The following STK39 variants were observed in gnomAD, a reference collection of about 807,000 sequenced individuals.
STK39 encodes the protein serine/threonine kinase 39, also known as STE20/SPS1-related proline-alanine-rich protein kinase.
A neutral mutation model predicts 77.8 loss-of-function variants in STK39; 20 were observed. The ratio of observed to expected loss-of-function variants is 0.26; its 90% CI spans 0.18 to 0.37. The LOEUF is 0.37. Ranked by LOEUF, STK39 falls within the 10% of genes least tolerant of loss-of-function variation. The pLI is 1.00. For synonymous variants in STK39, 246 were observed against 234.1 expected (o/e 1.05, Z -0.47); for missense variants, 479 against 656.5 (o/e 0.73, Z 2.95).
chr2:168,208,688 A>G (rs1574556789), intron 1 of STK39, among the ~76,000 whole-genome samples: 2 of 152,220 alleles, frequency 1.3e-5, no homozygotes, highest in African/African-American at 4.8e-5. Context: ...AAAGCACTGC[A>G]CTACCCTGAA....
chr2:168,140,820 T>C (rs1687962124), intron 5 of STK39, 62 bp from the exon 6 acceptor site: 1 of 1,345,992 alleles, frequency 7.4e-7, no homozygotes, highest in Non-Finnish European at 1.0e-6. Context: ...TAAATTGTGA[T>C]TTTTTGAGCA....
chr2:168,237,548 T>A (rs1055423495), intron 1 of STK39, among the ~76,000 whole-genome samples: 1 of 152,176 alleles, frequency 6.6e-6, no homozygotes, highest in Non-Finnish European at 1.5e-5. Context: ...TGCTTCCAGT[T>A]TTTGCCCATT....
intron 1 of STK39, among the ~76,000 whole-genome samples, chr2:168,246,726 C>CCACGACGAGAGGGT (rs1690914809): frequency 6.6e-6 from 1 of 152,176 alleles, no homozygotes; most frequent in Non-Finnish European, 1.5e-5. Flanking sequence ...GCCCCGTTAC[C>CCACGACGAGAGGGT]CACGACGAGA....
At chr2:168,068,700 A>G (rs1685860716) in intron 12 of STK39, among the ~76,000 whole-genome samples, 1 of 152,186 alleles carries the variant, frequency 6.6e-6, no homozygotes, top group Non-Finnish European at 1.5e-5. Flanking sequence ...AAACATACCT[A>G]TCTTTTCTAA....
At chr2:167,993,557 A>G (rs1278095265) in intron 16 of STK39, among the ~76,000 whole-genome samples, 1 of 152,200 alleles carries the variant, frequency 6.6e-6, no homozygotes, top group Non-Finnish European at 1.5e-5. Flanking sequence ...GGATAAAATC[A>G]ACACTGTGGA....
At chr2:168,123,412 T>C (rs1162391958) in intron 10 of STK39, among the ~76,000 whole-genome samples, 3 of 152,228 alleles carry the variant, frequency 2.0e-5, no homozygotes, top group Non-Finnish European at 4.4e-5. Context: ...AGAGTATCCT[T>C]GTTTTTAGGA....
chr2:168,196,999 G>A (rs1218313033), intron 1 of STK39, among the ~76,000 whole-genome samples: 1 of 152,064 alleles, frequency 6.6e-6, no homozygotes, highest in African/African-American at 2.4e-5. Context: ...TACTTGAAAG[G>A]ATTTTGAAAA....
intron 2 of STK39, among the ~76,000 whole-genome samples, chr2:168,175,742 T>C (rs1469703087): frequency 6.6e-6 from 1 of 152,198 alleles, no homozygotes; most frequent in Non-Finnish European, 1.5e-5. Flanking sequence ...ATTTGGACTA[T>C]ACCTGGATAA....
At chr2:168,135,987 A>ATT (rs5836172) in intron 8 of STK39, among the ~76,000 whole-genome samples, 15,762 of 146,640 alleles carry the variant, frequency 0.11, 928 homozygotes, top group Non-Finnish European at 0.14. Flanking sequence ...CTTCTAAAGG[A>ATT]TTTTTTTTTT....
In STK39 at chr2:168,082,145, T is replaced by C. The variant is rs564416280; in HGVS notation, c.1090-6914A>G. Among the ~76,000 whole-genome samples the C allele has an allele frequency of 7.9e-5, 12 of 152,258 alleles. 1 individual carries two copies. Among genetic ancestry groups the C allele is most frequent in the African/African-American group, 2.4e-4 (10 of 41,548 alleles). On this transcript the variant is annotated intron_variant, in intron 10 of 17. Coordinates refer to ENST00000355999, the MANE Select transcript of STK39 (RefSeq NM_013233.3). ...ACAAGACCAATGCCTCTGGGAGCAC[T>C]CCTCATGTATCTATTCACTTATTCC...
intron 4 of STK39, among the ~76,000 whole-genome samples, chr2:168,162,286 CAAAAA>C (rs5836174): frequency 4.2e-4 from 36 of 85,700 alleles, no homozygotes; most frequent in African/African-American, 1.1e-3. Context: ...AACTTGGTCT[CAAAAA>C]AAAAAAAAAA....
chr2:168,207,805 A>G (rs1434041614), intron 1 of STK39, among the ~76,000 whole-genome samples: 1 of 152,222 alleles, frequency 6.6e-6, no homozygotes, highest in Non-Finnish European at 1.5e-5. Flanking sequence ...AGATAAGGAC[A>G]GTGAGGTTTG....
intron 7 of STK39, among the ~76,000 whole-genome samples, chr2:168,139,823 TATATC>T (rs1267931916): frequency 1.3e-5 from 2 of 152,108 alleles, no homozygotes; most frequent in Non-Finnish European, 2.9e-5. Context: ...GTGGCTCACT[TATATC>T]AGATCAGTTG....
intron 10 of STK39, among the ~76,000 whole-genome samples, chr2:168,108,140 C>T (rs947100101): frequency 6.6e-6 from 1 of 152,198 alleles, no homozygotes; most frequent in Admixed American, 6.5e-5. Flanking sequence ...AGCATAACTG[C>T]TGTAATTGTG....
At chr2:168,034,693 T>C (rs961902180) in intron 14 of STK39, among the ~76,000 whole-genome samples, 2 of 152,304 alleles carry the variant, frequency 1.3e-5, no homozygotes, top group South Asian at 2.1e-4. Context: ...ATTGCTGTTA[T>C]TATGGATCGG....
chr2:168,161,765 T>A (rs1173528958), intron 5 of STK39, 22 bp downstream of exon 5: 10 of 1,585,680 alleles, frequency 6.3e-6, no homozygotes, highest in Non-Finnish European at 8.6e-6. Context: ...AAGTAAAAAA[T>A]TTTTCTATTT....
chr2:168,220,862 G>A (rs1250630587), intron 1 of STK39, among the ~76,000 whole-genome samples: 1 of 152,130 alleles, frequency 6.6e-6, no homozygotes, highest in Non-Finnish European at 1.5e-5. Flanking sequence ...ATTAAATCTA[G>A]GCTGCATTGC....
intron 16 of STK39, among the ~76,000 whole-genome samples, chr2:168,010,526 A>T (rs1684245496): frequency 6.6e-6 from 1 of 152,224 alleles, no homozygotes; most frequent in Admixed American, 6.5e-5. Context: ...ACAAGATTGT[A>T]AAGGAAAATG....
Position 168,107,725 on chromosome 2 carries a change from C to A in STK39, c.1089+21816G>T, listed in dbSNP as rs144479360. On this transcript the variant is annotated intron_variant, in intron 10 of 17. Coordinates refer to ENST00000355999, the MANE Select transcript of STK39 (RefSeq NM_013233.3). ...TGGGAATATGACCCAAACTCTGGGA[C>A]ATTATGGGAAAATTTACTCATTTTC... 2.6e-3 allele frequency among the ~76,000 whole-genome samples: 390 copies of A among 152,310 alleles called. 5 individuals carry two copies. Among genetic ancestry groups the A allele is most frequent in the African/African-American group, 8.9e-3 (368 of 41,572 alleles).
Sources: allele counts gnomAD v4.1 joint callset (sites outside exome capture counted in the v4.1 genomes callset), GRCh38; gene constraint gnomAD v4.1.1; transcripts MANE v1.5; gene names NCBI Gene and HGNC (gene_info 2026-07-23, HGNC 2026-07-21).